The following SLC35B4 variants were observed in gnomAD, a reference collection of about 807,000 sequenced individuals.
SLC35B4 encodes solute carrier family 35 member B4.
A neutral mutation model predicts 39.5 loss-of-function variants in SLC35B4; 28 were observed. The ratio of observed to expected loss-of-function variants is 0.71; its 90% CI spans 0.53 to 0.97. The LOEUF (loss-of-function observed/expected upper bound fraction) is 0.97, where lower values mean the gene tolerates loss of function less well. Among genes scored for constraint, SLC35B4 ranks in the 50% least tolerant of loss-of-function variants. The pLI is 0.00. For synonymous variants in SLC35B4, 145 were observed against 150.4 expected (o/e 0.96, Z 0.26); for missense variants, 334 against 414.3 (o/e 0.81, Z 1.68).
At chr7:134,319,102 A>G (rs1804057506), upstream of SLC35B4, among the ~76,000 whole-genome samples, 1 of 152,164 alleles carries the variant, frequency 6.6e-6, no homozygotes, top group Non-Finnish European at 1.5e-5. Context: ...TCTTGCTAGC[A>G]AACCTGTTCT....
intron 5 of SLC35B4, 44 bp from the exon 6 acceptor site, chr7:134,301,865 G>A (rs765712340): frequency 1.3e-5 from 21 of 1,575,448 alleles, no homozygotes; most frequent in East Asian, 6.7e-5. Flanking sequence ...GCAGAACTAC[G>A]TGCAAGGTGC....
At chr7:134,310,504 A>G (rs548485005) in intron 1 of SLC35B4, among the ~76,000 whole-genome samples, 2 of 151,428 alleles carry the variant, frequency 1.3e-5, no homozygotes, top group East Asian at 1.9e-4. Context: ...CAGATTTCCT[A>G]TAATACCAAT....
rs570322971 is a variant in SLC35B4, at chr7:134,300,153, T to C, written c.596A>G (p.Asn199Ser). Residue 199 changes from asparagine (N) to serine (S), a missense_variant and splice_region_variant, in exon 7 of 10, where the codon AAT becomes AGT. Physicochemically the swap from Asn to Ser is conservative, Grantham distance 46 (BLOSUM62 1). Coordinates refer to ENST00000378509, the MANE Select transcript of SLC35B4 (RefSeq NM_032826.5). ...GKHSKEALFYNHALPLPGFVF... is the reference protein window; with the variant it reads ...GKHSKEALFYSHALPLPGFVF... ...TCCCAGGTTCAGGAAGTTGCTTACA[T>C]TATAAAACAAAGCCTCCTTGGAGTG... The C allele has an allele frequency of 2.9e-5, 46 of 1,597,640 alleles. No individual in the cohort carries two copies. The South Asian group carries it at 5.0e-4, about 17-fold the overall frequency.
upstream of SLC35B4, among the ~76,000 whole-genome samples, chr7:134,319,788 G>T (rs1804065007): frequency 6.6e-6 from 1 of 151,852 alleles, no homozygotes; most frequent in Non-Finnish European, 1.5e-5. Context: ...CTTCTCTTTG[G>T]GAAAAACCTG....
chr7:134,312,562 C>A (rs752499917), intron 1 of SLC35B4, among the ~76,000 whole-genome samples: 1 of 152,216 alleles, frequency 6.6e-6, no homozygotes, highest in South Asian at 2.1e-4. Context: ...GGGTCAGTGA[C>A]CCACCTTTAC....
intron 8 of SLC35B4, 67 bp from the exon 9 acceptor site, chr7:134,296,533 A>G: frequency 3.6e-6 from 4 of 1,121,426 alleles, no homozygotes; most frequent in East Asian, 2.4e-5. Flanking sequence ...TCTTTTGAAC[A>G]GGGTAATACA....
Position 134,290,045 on chromosome 7 carries a change from A to C in SLC35B4, c.*4788T>G, listed in dbSNP as rs1359714463. 1.3e-5 allele frequency: 2 copies of C among 152,200 alleles called. No individual in the cohort carries two copies. The highest frequency in any genetic ancestry group is 4.8e-5 in the African/African-American group (2 of 41,448). The allele number at this position is 152,200 out of a possible 1,614,324, so 9.4% of individuals were successfully genotyped here. A position where few individuals can be genotyped will look rare whatever the true frequency, so the allele number is the denominator to read the frequency against. On this transcript the variant is annotated 3_prime_UTR_variant, in exon 10 of 10. Transcript: ENST00000378509. ...CAGCTGCTACAAGCTAACTGTACCA[A>C]CTATGGAGATGTAAGGGTGGGGCTG...
intron 8 of SLC35B4, 26 bp downstream of exon 8, chr7:134,299,497 A>G: frequency 1.3e-6 from 2 of 1,579,980 alleles, no homozygotes; most frequent in Non-Finnish European, 1.7e-6. Context: ...CTGTCAGGTA[A>G]TTCTACTGTC....
In SLC35B4 at chr7:134,300,259, T is replaced by C. The variant is rs572397613; in HGVS notation, c.490A>G (p.Ile164Val). The C allele has an allele frequency of 5.0e-6, 8 of 1,598,396 alleles. No individual in the cohort carries two copies. The East Asian group carries it at 1.8e-4, about 36-fold the overall frequency. Residue 164 changes from isoleucine (I) to valine (V), a missense_variant and splice_region_variant, in exon 7 of 10, where the codon ATT becomes GTT. By Grantham distance (29) the Ile-to-Val change is conservative. Coordinates refer to ENST00000378509, the MANE Select transcript of SLC35B4 (RefSeq NM_032826.5). ...AGAAGAGCAAAAGTCAATGCCCCAA[T>C]ACCTAAAAAACAAACATCAGGTGAC... ...FQAFVWWLLG[I>V]GALTFALLMS...
At chr7:134,302,236 T>C (rs1242485397) in intron 4 of SLC35B4, 126 bp from the exon 5 acceptor site, 3 of 770,790 alleles carry the variant, frequency 3.9e-6, no homozygotes, top group Non-Finnish European at 6.2e-6. Flanking sequence ...CAGGATTACT[T>C]TCCAGCAGAG....
chr7:134,318,325 T>C (rs1331669133), upstream of SLC35B4, among the ~76,000 whole-genome samples: 1 of 152,146 alleles, frequency 6.6e-6, no homozygotes, highest in African/African-American at 2.4e-5. Context: ...AGAACTAACA[T>C]AAATAGAAAG....
intron 3 of SLC35B4, among the ~76,000 whole-genome samples, chr7:134,305,882 T>C (rs1803699217): frequency 6.6e-6 from 1 of 152,180 alleles, no homozygotes; most frequent in South Asian, 2.1e-4. Flanking sequence ...TTGATCAGGC[T>C]GGTCTCGAAC....
At chr7:134,304,542 C>T (rs755964179) in intron 4 of SLC35B4, among the ~76,000 whole-genome samples, 14 of 152,098 alleles carry the variant, frequency 9.2e-5, no homozygotes, top group African/African-American at 1.7e-4. Flanking sequence ...AAGTTGGCTT[C>T]GCAGGTTAGT....
chr7:134,315,821 G>A (rs1030651580), intron 1 of SLC35B4, among the ~76,000 whole-genome samples: 6 of 152,188 alleles, frequency 3.9e-5, no homozygotes, highest in Non-Finnish European at 8.8e-5. Context: ...GGGCTACACA[G>A]CCAGTGGACG....
intron 4 of SLC35B4, among the ~76,000 whole-genome samples, chr7:134,302,954 C>T (rs1011829148): frequency 1.3e-5 from 2 of 151,886 alleles, no homozygotes; most frequent in African/African-American, 2.4e-5. Flanking sequence ...AGCGGAGGTA[C>T]GGTAAAAAAT....
At chr7:134,302,377 G>A (rs956367579) in intron 4 of SLC35B4, among the ~76,000 whole-genome samples, 3 of 152,200 alleles carry the variant, frequency 2.0e-5, no homozygotes, top group Admixed American at 1.3e-4. Flanking sequence ...GACAAAAACA[G>A]AAATAGACCA....
Position 134,309,014 on chromosome 7 carries a change from A to C in SLC35B4, c.191+352T>G, listed in dbSNP as rs13233589. On this transcript the variant is annotated intron_variant, in intron 2 of 9. Coordinates refer to ENST00000378509, the MANE Select transcript of SLC35B4 (RefSeq NM_032826.5). ...CAAAAGCCATTCGTTTTTAAAAAGA[A>C]ACAAGGATACTCCCCTTTTAGAATG... Among the ~76,000 whole-genome samples, 1,101 of 152,350 alleles carry C rather than the reference A, an allele frequency of 7.2e-3. 5 individuals carry two copies. Among genetic ancestry groups the C allele is most frequent in the Middle Eastern group, 0.02 (6 of 294 alleles).
chr7:134,302,710 T>C (rs745678153), intron 4 of SLC35B4, among the ~76,000 whole-genome samples: 1 of 152,150 alleles, frequency 6.6e-6, no homozygotes, highest in Non-Finnish European at 1.5e-5. Context: ...CATTTCACAT[T>C]AGCTAGTATC....
chr7:134,294,227 T>A lies in SLC35B4; in HGVS notation c.*606A>T. The A allele has an allele frequency of 6.7e-6, 1 of 148,246 alleles. No individual in the cohort carries two copies. The highest frequency in any genetic ancestry group is 1.5e-5 in the Non-Finnish European group (1 of 67,348). 9.2% of individuals were successfully genotyped at this position (148,246 alleles called of 1,614,324 possible). On this transcript the variant is annotated 3_prime_UTR_variant, in exon 10 of 10. Coordinates refer to ENST00000378509, the MANE Select transcript of SLC35B4 (RefSeq NM_032826.5). Reference sequence around the variant, plus strand: ...AAAAGCAAAATGTGGGAAAGAGGAGTCCCACTAGTCTTGCTGCACTGTCAC... The same window carrying A: ...AAAAGCAAAATGTGGGAAAGAGGAGACCCACTAGTCTTGCTGCACTGTCAC...
Sources: allele counts gnomAD v4.1 joint callset (sites outside exome capture counted in the v4.1 genomes callset), GRCh38; gene constraint gnomAD v4.1.1; transcripts MANE v1.5; gene names NCBI Gene and HGNC (gene_info 2026-07-23, HGNC 2026-07-21).